MYO1E: variants seen among roughly 807,000 people sequenced by gnomAD.
The protein encoded by MYO1E is unconventional myosin-Ie.
MYO1E carries 68 observed loss-of-function variants against 151.1 expected under a neutral mutation model. The observed-to-expected ratio is 0.45, with a 90% CI of 0.37 to 0.55. MYO1E has a LOEUF of 0.55. MYO1E is among the 20% of genes least tolerant of loss of function. The probability of loss-of-function intolerance (pLI) is 0.00; values close to 1 mark genes in which losing one functional copy is unlikely to be tolerated. For missense variants in MYO1E, 1,363 were observed against 1,389.3 expected, an observed-to-expected ratio of 0.98 and a Z score of 0.30; for synonymous variants, 601 against 501.7, an observed-to-expected ratio of 1.20 and a Z score of -2.64.
At chr15:59,360,357 G>A (rs1421113054) in intron 1 of MYO1E, among the ~76,000 whole-genome samples, 1 of 151,118 alleles carries the variant, frequency 6.6e-6, no homozygotes, top group Non-Finnish European at 1.5e-5. Flanking sequence ...TCAACCAAGG[G>A]GAAAAAAAAA....
At chr15:59,246,113 T>C (rs2080128379) in intron 4 of MYO1E, among the ~76,000 whole-genome samples, 1 of 152,146 alleles carries the variant, frequency 6.6e-6, no homozygotes, top group African/African-American at 2.4e-5. Context: ...ATTTTTTAAA[T>C]TTTTAATCTT....
chr15:59,161,258 G>A, intron 23 of MYO1E, 28 bp from the exon 24 acceptor site: 1 of 1,610,818 alleles, frequency 6.2e-7, no homozygotes, highest in Non-Finnish European at 8.5e-7. Flanking sequence ...GGGTTAACAG[G>A]TCGAAGGACG....
chr15:59,293,757 T>A (rs1188701838), intron 1 of MYO1E, among the ~76,000 whole-genome samples: 1 of 152,088 alleles, frequency 6.6e-6, no homozygotes, highest in Non-Finnish European at 1.5e-5. Context: ...AACCCTGATA[T>A]ATGGGCCAGC....
intron 1 of MYO1E, among the ~76,000 whole-genome samples, chr15:59,356,910 GTTT>G (rs59157262): frequency 1.4e-5 from 2 of 140,532 alleles, no homozygotes. Context: ...TTTGTTTTTG[GTTT>G]TTTTTTTTTG....
chr15:59,261,448 T>G lies in MYO1E; in HGVS notation c.209A>C (p.Glu70Ala). 6.2e-7 allele frequency: 1 copy of G among 1,611,256 alleles called. No homozygotes were observed. Among genetic ancestry groups the G allele is most frequent in the Non-Finnish European group, 8.5e-7 (1 of 1,177,562 alleles). ...TCCTTGGTACATTTCAATTTCCTTT[T>G]CCCCAAAATATGGCATCTGCTTGAA... ...NPFKQMPYFG[E>A]KEIEMYQGAA... is the part of the protein sequence containing the mutation. The change falls in exon 3 of 28, where the codon GAA becomes GCA. Residue 70 changes from glutamate to alanine, a missense_variant. Physicochemically the swap from Glu to Ala is moderately radical, Grantham distance 107. Coordinates refer to ENST00000288235, the MANE Select transcript of MYO1E (RefSeq NM_004998.4).
At chr15:59,237,403 A>G (rs913334857) in intron 4 of MYO1E, among the ~76,000 whole-genome samples, 10 of 152,258 alleles carry the variant, frequency 6.6e-5, no homozygotes, top group African/African-American at 1.9e-4. Context: ...GCATGGGGAG[A>G]GCCTTTTGTT....
At chr15:59,372,054 G>A (rs1307561836) in intron 1 of MYO1E, among the ~76,000 whole-genome samples, 4 of 150,448 alleles carry the variant, frequency 2.7e-5, no homozygotes, top group Non-Finnish European at 4.5e-5. Context: ...CGGCGCGAGG[G>A]TGCCCGGGGC....
intron 2 of MYO1E, chr15:59,266,740 C>T (rs1319581113): frequency 6.8e-6 from 1 of 147,352 alleles, no homozygotes; most frequent in South Asian, 2.2e-4. Context: ...TGGCTCATTG[C>T]AAGCTCCGCC....
At chr15:59,138,411 G>T in intron 26 of MYO1E, 44 bp from the exon 27 acceptor site, 2 of 1,606,758 alleles carry the variant, frequency 1.2e-6, no homozygotes, top group Non-Finnish European at 8.5e-7. Context: ...CCAACAGGGG[G>T]CAGCAGCACC....
chr15:59,301,560 A>G (rs570001390), intron 1 of MYO1E, among the ~76,000 whole-genome samples: 2 of 152,344 alleles, frequency 1.3e-5, no homozygotes, highest in East Asian at 1.9e-4. Context: ...CCCGAAGGCT[A>G]TAATGTTTAA....
rs958256585 is a variant in MYO1E at position 59,350,519 on chromosome 15, A to G, written c.3+21979T>C. On this transcript the variant is annotated intron_variant, in intron 1 of 27. Transcript: ENST00000288235. This position sits in a 1 kb window ranked among gnomAD's most constrained non-coding sequence, Gnocchi z 5.0. ...GTGTCTGCCCTCAGAGACTACATGC[A>G]TTACTGAGAGGAAAGTGGGGAGAGG... 1.3e-5 allele frequency among the ~76,000 whole-genome samples: 2 copies of G among 152,202 alleles called. No homozygotes were observed. Among genetic ancestry groups the G allele is most frequent in the African/African-American group, 4.8e-5 (2 of 41,456 alleles).
At chr15:59,226,682 CTATA>C (rs1234503146) in intron 7 of MYO1E, among the ~76,000 whole-genome samples, 2 of 152,116 alleles carry the variant, frequency 1.3e-5, no homozygotes, top group East Asian at 3.9e-4. Context: ...TGGCATGTGC[CTATA>C]GTCCCAGCTA....
intron 12 of MYO1E, among the ~76,000 whole-genome samples, chr15:59,211,495 A>G (rs767297191): frequency 2.0e-5 from 3 of 152,112 alleles, no homozygotes; most frequent in African/African-American, 7.2e-5. Context: ...AATACCACCT[A>G]CAGGCTAATG....
chr15:59,361,853 T>G (rs1424372896), intron 1 of MYO1E, among the ~76,000 whole-genome samples: 6 of 152,138 alleles, frequency 3.9e-5, no homozygotes, highest in African/African-American at 1.4e-4. Flanking sequence ...TATTTATTTT[T>G]TGAGATGGAG....
chr15:59,310,866 A>G (rs1158377717), intron 1 of MYO1E, among the ~76,000 whole-genome samples: 1 of 152,088 alleles, frequency 6.6e-6, no homozygotes, highest in Non-Finnish European at 1.5e-5. Flanking sequence ...TTATGGTTCT[A>G]AAGAACAAAT....
intron 17 of MYO1E, among the ~76,000 whole-genome samples, chr15:59,194,202 T>C (rs191217986): frequency 6.6e-6 from 1 of 151,888 alleles, no homozygotes; most frequent in Non-Finnish European, 1.5e-5. Context: ...CTTAAGAATA[T>C]GCATCTATGG....
intron 26 of MYO1E, among the ~76,000 whole-genome samples, chr15:59,151,691 T>C (rs1324831166): frequency 4.6e-5 from 7 of 151,956 alleles, no homozygotes; most frequent in African/African-American, 1.7e-4. Context: ...GGCGGGTGGA[T>C]TACTTGAGGT....
intron 26 of MYO1E, among the ~76,000 whole-genome samples, chr15:59,140,808 A>G (rs1596338705): frequency 6.6e-6 from 1 of 152,166 alleles, no homozygotes; most frequent in Admixed American, 6.5e-5. Flanking sequence ...GGCGCCCCTG[A>G]GACTCGGCTT....
At position 59,161,152 on chromosome 15, in the gene MYO1E, C is replaced by T; in HGVS notation, c.2706G>A (p.Gly902=). Residue 902 remains glycine, a synonymous_variant, in exon 24 of 28, where the codon GGG becomes GGA. Transcript: ENST00000288235. ...GCTTGAGGACAGCCAGGTCCCCAAACCCTTGGTGGAACTGCACTTGCCGGG... is the reference window on the plus strand; with the variant it reads ...GCTTGAGGACAGCCAGGTCCCCAAATCCTTGGTGGAACTGCACTTGCCGGG... ...GGSRQVQFHQ[G]FGDLAVLKPS... is the part of the protein sequence containing the mutation. 1 of 1,614,128 alleles carries T rather than the reference C, an allele frequency of 6.2e-7. No homozygotes were observed. The highest frequency in any genetic ancestry group is 8.5e-7 in the Non-Finnish European group (1 of 1,180,040).
Sources: allele counts gnomAD v4.1 joint callset (sites outside exome capture counted in the v4.1 genomes callset), GRCh38; gene constraint gnomAD v4.1.1; non-coding constraint Gnocchi (gnomAD v3.1); transcripts MANE v1.5; gene names NCBI Gene and HGNC (gene_info 2026-07-23, HGNC 2026-07-21).